TMEM44: variants seen among roughly 807,000 people sequenced by gnomAD.
TMEM44 encodes the protein transmembrane protein 44.
Under a neutral mutation model 47.8 loss-of-function variants are expected in TMEM44, and 43 were observed. That is an observed-to-expected ratio of 0.90 (90% CI 0.70 to 1.16). The LOEUF (loss-of-function observed/expected upper bound fraction) is 1.16, where lower values mean the gene tolerates loss of function less well. TMEM44 is among the 50% of genes most tolerant of loss of function. TMEM44 has a pLI of 0.00. For missense variants in TMEM44, 568 were observed against 555.2 expected (o/e 1.02, Z -0.23); for synonymous variants, 277 against 238.8 (o/e 1.16, Z -1.48).
intron 3 of TMEM44, among the ~76,000 whole-genome samples, chr3:194,625,006 C>A (rs1415496793): frequency 6.6e-6 from 1 of 152,156 alleles, no homozygotes; most frequent in Non-Finnish European, 1.5e-5. Flanking sequence ...TGTGGGCCAC[C>A]ATGCCCGGCC....
chr3:194,621,981 G>C lies in TMEM44; in HGVS notation c.612+1243C>G, dbSNP rs562230509. 5.9e-5 allele frequency among the ~76,000 whole-genome samples: 9 copies of C among 152,314 alleles called. No individual in the cohort carries two copies. In the East Asian group the frequency reaches 1.7e-3, roughly 29 times the overall value. ...CCTGCCTCGGCCTCCCAAAGTGCTGGCATTACAGGCATGAGCCACCGCACC... is the reference window on the plus strand; with the variant it reads ...CCTGCCTCGGCCTCCCAAAGTGCTGCCATTACAGGCATGAGCCACCGCACC... On this transcript the variant is annotated intron_variant, in intron 5 of 9. Coordinates refer to ENST00000347147, the MANE Select transcript of TMEM44 (RefSeq NM_001011655.3).
At chr3:194,594,021 A>T (rs1042620367) in intron 9 of TMEM44, among the ~76,000 whole-genome samples, 6 of 152,058 alleles carry the variant, frequency 3.9e-5, no homozygotes, top group African/African-American at 1.2e-4. Flanking sequence ...TATGGTGCCC[A>T]GGCTGGTCTT....
chr3:194,589,520 C>G (rs899654431), intron 9 of TMEM44: 2 of 152,192 alleles, frequency 1.3e-5, no homozygotes, highest in Admixed American at 6.5e-5. Context: ...CGCTCCTGCT[C>G]CTACACGGTG....
intron 1 of TMEM44, among the ~76,000 whole-genome samples, chr3:194,631,857 G>C (rs771524736): frequency 2.0e-4 from 31 of 152,174 alleles, no homozygotes; most frequent in Admixed American, 8.5e-4. Context: ...AAACAAATGG[G>C]TATGTCCAGA....
At chr3:194,596,271 C>T (rs1042967933) in intron 9 of TMEM44, among the ~76,000 whole-genome samples, 4 of 152,120 alleles carry the variant, frequency 2.6e-5, no homozygotes, top group African/African-American at 9.7e-5. Flanking sequence ...AGCGCGCCTG[C>T]ATCGCAATCA....
chr3:194,622,277 A>G (rs1319959472), intron 5 of TMEM44, among the ~76,000 whole-genome samples: 2 of 151,976 alleles, frequency 1.3e-5, no homozygotes, highest in African/African-American at 4.8e-5. Flanking sequence ...ACGCCTCCCC[A>G]CCACCCCACG....
At chr3:194,602,275 C>T (rs1714221869) in intron 9 of TMEM44, among the ~76,000 whole-genome samples, 1 of 152,208 alleles carries the variant, frequency 6.6e-6, no homozygotes, top group Admixed American at 6.5e-5. Flanking sequence ...GCTCCTGGGG[C>T]ACACGGCCAG....
chr3:194,617,927 ACT>A (rs149167482), intron 5 of TMEM44, among the ~76,000 whole-genome samples: 13 of 149,424 alleles, frequency 8.7e-5, no homozygotes, highest in Non-Finnish European at 1.0e-4. Flanking sequence ...ACCCTCTTGC[ACT>A]CTCTCTCTCT....
chr3:194,590,808 C>G (rs1207346101), intron 9 of TMEM44, among the ~76,000 whole-genome samples: 1 of 152,192 alleles, frequency 6.6e-6, no homozygotes. Flanking sequence ...GCTCGAGCTT[C>G]TTAAATGGCT....
At chr3:194,591,040 A>C (rs1198048318) in intron 9 of TMEM44, among the ~76,000 whole-genome samples, 1 of 151,138 alleles carries the variant, frequency 6.6e-6, no homozygotes, top group East Asian at 1.9e-4. Context: ...CCAAAAATAC[A>C]AAAATTAGCC....
intron 2 of TMEM44, 44 bp downstream of exon 2, chr3:194,628,339 C>T (rs1717390575): frequency 6.3e-7 from 1 of 1,588,082 alleles, no homozygotes; most frequent in East Asian, 2.3e-5. Flanking sequence ...CCAGGCCTCC[C>T]TTAGTGCTGG....
chr3:194,611,658 T>C lies in TMEM44; in HGVS notation c.913-638A>G, dbSNP rs910833230. Among the ~76,000 whole-genome samples the C allele has an allele frequency of 1.3e-5, 2 of 152,154 alleles. No individual in the cohort carries two copies. Among genetic ancestry groups the C allele is most frequent in the African/African-American group, 4.8e-5 (2 of 41,434 alleles). ...GCGAACCACTGCAATAGGTGCCCAA[T>C]AAGTGCTTTTGCAAAGCTGTGGTTC... On this transcript the variant is annotated intron_variant, in intron 7 of 9. Transcript: ENST00000347147. This position sits in a 1 kb window ranked among gnomAD's most constrained non-coding sequence, Gnocchi z 4.2.
intron 1 of TMEM44, among the ~76,000 whole-genome samples, chr3:194,631,622 A>T (rs1018660933): frequency 4.6e-5 from 7 of 152,134 alleles, no homozygotes; most frequent in African/African-American, 1.7e-4. Context: ...CAACCCTCCC[A>T]TTTGAGAGGA....
At chr3:194,629,542 C>T (rs1449292980) in intron 1 of TMEM44, among the ~76,000 whole-genome samples, 4 of 152,126 alleles carry the variant, frequency 2.6e-5, no homozygotes, top group South Asian at 2.1e-4. Context: ...TATCTATCGG[C>T]GTCACTGATA....
In TMEM44 at chr3:194,590,968, C is replaced by A. The variant is rs368765249; in HGVS notation, c.1177-2329G>T. ...CAGCACTTTGGGAGACTGAGGCGGG[C>A]AGATCACCTAAGGTCAGGAGTTCAA... On this transcript the variant is annotated intron_variant, in intron 9 of 9. Transcript: ENST00000347147. Among the ~76,000 whole-genome samples, 23 of 151,788 alleles carry A rather than the reference C, an allele frequency of 1.5e-4. 1 individual carries two copies. In the East Asian group the frequency reaches 3.5e-3, roughly 23 times the overall value.
In TMEM44 at chr3:194,603,303, G is replaced by A. The variant is rs568849172; in HGVS notation, c.1176+984C>T. Among the ~76,000 whole-genome samples the A allele has an allele frequency of 7.2e-5, 11 of 152,348 alleles. No homozygotes were observed. In the South Asian group the frequency reaches 1.7e-3, roughly 23 times the overall value. On this transcript the variant is annotated intron_variant, in intron 9 of 9. Coordinates refer to ENST00000347147, the MANE Select transcript of TMEM44 (RefSeq NM_001011655.3). ...GTGTCAGCCGTGGTGCCCACGACAGGGCCCACTTGTGTATGGCCCCACTAA... is the reference window on the plus strand; with the variant it reads ...GTGTCAGCCGTGGTGCCCACGACAGAGCCCACTTGTGTATGGCCCCACTAA...
At chr3:194,620,825 G>A (rs577101432) in intron 5 of TMEM44, among the ~76,000 whole-genome samples, 1 of 151,952 alleles carries the variant, frequency 6.6e-6, no homozygotes, top group Non-Finnish European at 1.5e-5. Context: ...TCAGTAGTTC[G>A]AGACCAGCCT....
At chr3:194,593,388 GTAA>G (rs1361196982) in intron 9 of TMEM44, among the ~76,000 whole-genome samples, 3 of 152,286 alleles carry the variant, frequency 2.0e-5, no homozygotes, top group Admixed American at 6.5e-5. Flanking sequence ...AGGAGTAGCA[GTAA>G]TAATAATAAA....
intron 8 of TMEM44, 143 bp from the exon 9 acceptor site, chr3:194,604,588 C>A: frequency 9.3e-7 from 1 of 1,071,708 alleles, no homozygotes; most frequent in Non-Finnish European, 1.3e-6. Flanking sequence ...CCTGCCCTGG[C>A]CATCCAGCTC....
Sources: allele counts gnomAD v4.1 joint callset (sites outside exome capture counted in the v4.1 genomes callset), GRCh38; gene constraint gnomAD v4.1.1; non-coding constraint Gnocchi (gnomAD v3.1); transcripts MANE v1.5; gene names NCBI Gene and HGNC (gene_info 2026-07-23, HGNC 2026-07-21).